OCIAD1: variants seen among roughly 807,000 people sequenced by gnomAD.
The protein encoded by OCIAD1 is OCIA domain-containing protein 1.
Under a neutral mutation model 38.9 loss-of-function variants are expected in OCIAD1, and 29 were observed. The ratio of observed to expected loss-of-function variants is 0.74; its 90% confidence interval spans 0.55 to 1.02. The LOEUF is 1.02. Ranked by LOEUF, OCIAD1 falls within the 50% of genes least tolerant of loss-of-function variation. The pLI is 0.00. For synonymous variants in OCIAD1, 110 were observed against 92.0 expected, an observed-to-expected ratio of 1.20 and a Z score of -1.12; for missense variants, 288 against 289.6, an observed-to-expected ratio of 0.99 and a Z score of 0.04.
At chr4:48,826,670 G>T (rs1777255407), upstream of OCIAD1, among the ~76,000 whole-genome samples, 1 of 152,148 alleles carries the variant, frequency 6.6e-6, no homozygotes, top group Non-Finnish European at 1.5e-5. Context: ...AAAATATCAT[G>T]TTGTACCCCA....
chr4:48,845,205 A>ATT (rs2109564495), intron 4 of OCIAD1, among the ~76,000 whole-genome samples: 1 of 152,306 alleles, frequency 6.6e-6, no homozygotes, highest in Admixed American at 6.5e-5. Context: ...ACTGCCTCAT[A>ATT]TTTGAAGCCA....
At chr4:48,845,476 T>C (rs1778902086) in intron 4 of OCIAD1, among the ~76,000 whole-genome samples, 1 of 152,230 alleles carries the variant, frequency 6.6e-6, no homozygotes, top group African/African-American at 2.4e-5. Context: ...ATTTTTCTCC[T>C]ACCTCAGGCG....
At chr4:48,842,281 C>G (rs1053090798) in intron 3 of OCIAD1, among the ~76,000 whole-genome samples, 3 of 152,044 alleles carry the variant, frequency 2.0e-5, no homozygotes, top group Non-Finnish European at 4.4e-5. Context: ...TGTTTCTTAC[C>G]TCTCCTTCAT....
chr4:48,814,239 G>GT lies in OCIAD1; in HGVS notation c.-103+8925dup, dbSNP rs530042723. 6.4e-3 allele frequency among the ~76,000 whole-genome samples: 887 copies of GT among 139,164 alleles called. 5 individuals carry two copies. Among genetic ancestry groups the GT allele is most frequent in the Middle Eastern group, 0.015 (4 of 262 alleles). The allele number at this position is 139,164 out of a possible 152,430, so 91.3% of individuals were successfully genotyped here. A position where few individuals can be genotyped will look rare whatever the true frequency, so the allele number is the denominator to read the frequency against. On this transcript the variant is annotated intron_variant, in intron 1 of 6. Coordinates refer to the OCIAD1 transcript ENST00000504654. ...AGAAAGGGTCACCTCCTGTGGAGGG[G>GT]TTTTTTTTTTTTTTTTAATCCTTGC... is the stretch of plus-strand genomic sequence containing the variant.
At chr4:48,809,888 G>T (rs1346954044) in intron 1 of OCIAD1, among the ~76,000 whole-genome samples, 1 of 152,122 alleles carries the variant, frequency 6.6e-6, no homozygotes, top group Non-Finnish European at 1.5e-5. Flanking sequence ...ATTATATGTT[G>T]CAGACTTAAG....
chr4:48,842,506 A>G (rs770616353), intron 3 of OCIAD1, 130 bp from the exon 4 acceptor site: 2 of 639,910 alleles, frequency 3.1e-6, no homozygotes, highest in Non-Finnish European at 5.5e-6. Flanking sequence ...AAAATGGAAC[A>G]GTCTTTTTTA....
At chr4:48,848,357 C>T (rs763799442) in intron 4 of OCIAD1, 42 bp from the exon 5 acceptor site, 4 of 950,276 alleles carry the variant, frequency 4.2e-6, no homozygotes, top group Non-Finnish European at 6.7e-6. Context: ...ATTTTTCTTT[C>T]TGTAACAGTG....
Position 48,816,674 on chromosome 4 carries a change from T to A in OCIAD1, c.-103+11344T>A, listed in dbSNP as rs1279655385. On this transcript the variant is annotated intron_variant, in intron 1 of 6. Transcript: ENST00000504654. ...CTTCTTAACTGTTTATTATTAGGCT[T>A]AAATTTGAAACGGTGGCAGGGCACC... Among the ~76,000 whole-genome samples the A allele has an allele frequency of 3.9e-5, 6 of 152,276 alleles. No individual in the cohort carries two copies. The East Asian group carries it at 1.2e-3, about 29-fold the overall frequency.
At chr4:48,856,720 A>G (rs1167228609) in intron 7 of OCIAD1, 2 of 152,226 alleles carry the variant, frequency 1.3e-5, no homozygotes, top group Admixed American at 1.3e-4. Flanking sequence ...GTAAAAAGGT[A>G]AAATAAATGA....
In OCIAD1 at chr4:48,831,153, T is replaced by A. The variant is rs1777444867; in HGVS notation, c.-102T>A. ...TCCCCCTCCCCGCGGTACCTTGCAC[T>A]TTTCTCCCTCCCTGCCCCCTCTCGA... On this transcript the variant is annotated 5_prime_UTR_variant, in exon 1 of 9. Coordinates refer to ENST00000264312, the MANE Select transcript of OCIAD1 (RefSeq NM_017830.4). The A allele has an allele frequency of 9.9e-6, 3 of 302,734 alleles. No individual in the cohort carries two copies. 18.8% of individuals were successfully genotyped at this position (302,734 alleles called of 1,614,324 possible).
At position 48,844,418 on chromosome 4, in the gene OCIAD1, G is replaced by A. The variant is rs1288520688; in HGVS notation, c.193+1729G>A. 1.3e-4 allele frequency among the ~76,000 whole-genome samples: 19 copies of A among 151,826 alleles called. 1 individual carries two copies. Among genetic ancestry groups the A allele is most frequent in the South Asian group, 2.1e-4 (1 of 4,804 alleles). ...ATCACAAGGTTAGGAAATCGAGACC[G>A]TCCTGGCCAACATGATAAAACCCCA... On this transcript the variant is annotated intron_variant, in intron 4 of 8. Transcript: ENST00000264312.
intron 3 of OCIAD1, among the ~76,000 whole-genome samples, chr4:48,841,656 C>T (rs554698607): frequency 6.6e-6 from 1 of 152,236 alleles, no homozygotes; most frequent in South Asian, 2.1e-4. Flanking sequence ...TTACGCATAT[C>T]AATGGGGGGA....
At chr4:48,811,830 G>A (rs1404075566) in intron 1 of OCIAD1, among the ~76,000 whole-genome samples, 3 of 152,114 alleles carry the variant, frequency 2.0e-5, no homozygotes, top group Non-Finnish European at 4.4e-5. Context: ...ATGAGATGAA[G>A]AAGATGAGGA....
chr4:48,833,632 G>T (rs1209937990), intron 3 of OCIAD1, 151 bp downstream of exon 3: 3 of 562,802 alleles, frequency 5.3e-6, no homozygotes, highest in Non-Finnish European at 9.5e-6. Flanking sequence ...AGATTAAGGA[G>T]ATAAAGGAAT....
chr4:48,830,229 C>T (rs147476150), upstream of OCIAD1, among the ~76,000 whole-genome samples: 13 of 152,304 alleles, frequency 8.5e-5, no homozygotes, highest in African/African-American at 3.1e-4. Flanking sequence ...GAAGGAAACA[C>T]AGCGTTGGAT....
intron 4 of OCIAD1, among the ~76,000 whole-genome samples, chr4:48,846,733 C>T (rs1175457835): frequency 4.1e-5 from 6 of 145,746 alleles, no homozygotes; most frequent in African/African-American, 1.5e-4. Context: ...GGGGACAGAG[C>T]GAGACTCGTC....
intron 4 of OCIAD1, among the ~76,000 whole-genome samples, chr4:48,844,722 G>A (rs1202682660): frequency 6.6e-6 from 1 of 152,094 alleles, no homozygotes; most frequent in Non-Finnish European, 1.5e-5. Context: ...TGGTCCTTTT[G>A]TGTCTGTGTG....
Position 48,857,307 on chromosome 4 carries a change from A to G in OCIAD1, c.642A>G (p.Leu214=). ...NKNRESYEVS[L]TQKTDPSVRP... ...ACAGAGAGTCATATGAAGTATCTTT[A>G]ACACAAAAGACTGACCCCTCAGTCA... The change falls in exon 8 of 9, where the codon TTA becomes TTG. Residue 214 remains leucine (L), a synonymous_variant. Coordinates refer to ENST00000264312, the MANE Select transcript of OCIAD1 (RefSeq NM_017830.4). 6.2e-7 allele frequency: 1 copy of G among 1,601,190 alleles called. No individual in the cohort carries two copies. Among genetic ancestry groups the G allele is most frequent in the East Asian group, 2.3e-5 (1 of 44,310 alleles).
chr4:48,848,511 A>G lies in OCIAD1; in HGVS notation c.241+65A>G, dbSNP rs1779156300. ...AACTTAAATAAAATTATTTTTATCA[A>G]ATGTTTTATCATGTCTTACTCATAT... On this transcript the variant is annotated intron_variant, in intron 5 of 8. Coordinates refer to ENST00000264312, the MANE Select transcript of OCIAD1 (RefSeq NM_017830.4). 8 of 794,602 alleles carry G rather than the reference A, an allele frequency of 1.0e-5. No individual in the cohort carries two copies. In the South Asian group the frequency reaches 1.3e-4, roughly 13 times the overall value. The allele number at this position is 794,602 out of a possible 1,614,324, so 49.2% of individuals were successfully genotyped here.
Sources: gnomAD v4.1 joint callset for allele counts (sites outside exome capture counted in the v4.1 genomes callset) on GRCh38, gnomAD v4.1.1 for gene constraint, MANE v1.5 for transcripts, NCBI Gene and HGNC (gene_info 2026-07-23, HGNC 2026-07-21) for gene names.